Variants in NRXN3 observed in about 807,000 individuals in gnomAD.
NRXN3 encodes neurexin 3.
A neutral mutation model predicts 137.6 loss-of-function variants in NRXN3; 32 were observed. That is an observed-to-expected ratio of 0.23 (90% confidence interval 0.18 to 0.31). NRXN3 has a LOEUF of 0.31. Among genes scored for constraint, NRXN3 ranks in the 10% least tolerant of loss-of-function variants. The pLI, the probability that NRXN3 is intolerant of heterozygous loss-of-function variation, is 1.00. For missense variants in NRXN3, 1,574 were observed against 2,062.5 expected (o/e 0.76, Z 4.59); for synonymous variants, 798 against 784.5 (o/e 1.02, Z -0.29).
At chr14:78,801,942 G>A (rs1337231712) in intron 8 of NRXN3, among the ~76,000 whole-genome samples, 1 of 152,104 alleles carries the variant, frequency 6.6e-6, no homozygotes, top group Non-Finnish European at 1.5e-5. Context: ...ACAGTTACTT[G>A]TGCATTCTGT....
intron 15 of NRXN3, among the ~76,000 whole-genome samples, chr14:79,463,732 A>G (rs576598635): frequency 6.6e-6 from 1 of 152,134 alleles, no homozygotes; most frequent in African/African-American, 2.4e-5. Flanking sequence ...CTGAATATAA[A>G]CATAAGTAGT....
chr14:79,808,591 A>G (rs546170308), intron 20 of NRXN3, among the ~76,000 whole-genome samples: 1 of 152,154 alleles, frequency 6.6e-6, no homozygotes, highest in Admixed American at 6.5e-5. Flanking sequence ...TTGTTCTATC[A>G]TACTTACTAC....
chr14:78,646,635 T>G (rs2097690733), intron 5 of NRXN3, among the ~76,000 whole-genome samples: 1 of 152,226 alleles, frequency 6.6e-6, no homozygotes, highest in Admixed American at 6.5e-5. Context: ...ATTTCCACAC[T>G]TAGGTATGTC....
chr14:78,232,318 A>G (rs2065537369), intron 1 of NRXN3, among the ~76,000 whole-genome samples: 2 of 152,326 alleles, frequency 1.3e-5, no homozygotes, highest in Middle Eastern at 3.4e-3. Flanking sequence ...AATAATTAGC[A>G]CAGTGGGGGC....
At chr14:78,214,254 G>A (rs2063035627) in intron 1 of NRXN3, among the ~76,000 whole-genome samples, 1 of 152,130 alleles carries the variant, frequency 6.6e-6, no homozygotes, top group Non-Finnish European at 1.5e-5. Flanking sequence ...CTTTGTCCAT[G>A]ATGTTTCCTC....
intron 19 of NRXN3, among the ~76,000 whole-genome samples, chr14:79,802,131 T>C (rs929803372): frequency 1.3e-5 from 2 of 152,208 alleles, no homozygotes; most frequent in African/African-American, 4.8e-5. Flanking sequence ...TAATATTATG[T>C]TAATGTATGT....
chr14:78,672,260 A>G (rs1295077691), intron 6 of NRXN3, among the ~76,000 whole-genome samples: 1 of 152,220 alleles, frequency 6.6e-6, no homozygotes, highest in African/African-American at 2.4e-5. Context: ...ACAGAACTCA[A>G]CCAAATTACT....
At chr14:78,239,212 C>T (rs2066753352) in intron 1 of NRXN3, among the ~76,000 whole-genome samples, 1 of 152,236 alleles carries the variant, frequency 6.6e-6, no homozygotes, top group South Asian at 2.1e-4. Context: ...TTGAAGCAGT[C>T]ATTGCCTCCA....
rs536574586 is a variant in NRXN3, at chr14:79,612,190, G to C, written c.3445-51588G>C. ...TGTTTTCCCCTTCTTTGCACACTTTGTTTATATTTCACCCTATTACTATTA... is the reference window on the plus strand; with the variant it reads ...TGTTTTCCCCTTCTTTGCACACTTTCTTTATATTTCACCCTATTACTATTA... On this transcript the variant is annotated intron_variant, in intron 16 of 20. Coordinates refer to ENST00000335750, the MANE Select transcript of NRXN3 (RefSeq NM_001330195.2). Among the ~76,000 whole-genome samples, 146 of 152,206 alleles carry C rather than the reference G, an allele frequency of 9.6e-4. 2 individuals carry two copies. Among genetic ancestry groups the C allele is most frequent in the Non-Finnish European group, 1.6e-3 (108 of 68,004 alleles).
intron 15 of NRXN3, among the ~76,000 whole-genome samples, chr14:79,350,582 T>G (rs1448173542): frequency 6.6e-6 from 1 of 152,216 alleles, no homozygotes; most frequent in African/African-American, 2.4e-5. Context: ...CAAATCAGCC[T>G]TTGGCACACA....
At chr14:79,030,887 G>A (rs755264888) in intron 15 of NRXN3, among the ~76,000 whole-genome samples, 45 of 151,164 alleles carry the variant, frequency 3.0e-4, no homozygotes, top group Admixed American at 2.0e-3. Context: ...GTCTTTTTTC[G>A]TGTGGCAGCT....
chr14:78,952,494 T>A (rs930644306), intron 10 of NRXN3, among the ~76,000 whole-genome samples: 2 of 152,134 alleles, frequency 1.3e-5, no homozygotes, highest in African/African-American at 4.8e-5. Flanking sequence ...CCTAATACAA[T>A]GTGTGATGCT....
chr14:78,369,024 A>G (rs1354240560), intron 4 of NRXN3, among the ~76,000 whole-genome samples: 1 of 152,196 alleles, frequency 6.6e-6, no homozygotes, highest in African/African-American at 2.4e-5. Flanking sequence ...TGAACTAGGA[A>G]TCAGAGAATC....
At chr14:78,339,030 T>C (rs1360744116) in intron 4 of NRXN3, among the ~76,000 whole-genome samples, 3 of 152,234 alleles carry the variant, frequency 2.0e-5, no homozygotes, top group South Asian at 2.1e-4. Context: ...TATGGCCTCA[T>C]TGGGTCTGCA....
chr14:79,247,654 GTTGTCTTA>G (rs2075371271), intron 15 of NRXN3, among the ~76,000 whole-genome samples: 1 of 152,030 alleles, frequency 6.6e-6, no homozygotes, highest in African/African-American at 2.4e-5. Context: ...AAGCTAGGTA[GTTGTCTTA>G]TTCTCTTTTA....
intron 15 of NRXN3, among the ~76,000 whole-genome samples, chr14:79,166,406 G>A (rs1009894304): frequency 6.6e-6 from 1 of 151,486 alleles, no homozygotes; most frequent in African/African-American, 2.4e-5. Flanking sequence ...AGATTCCATT[G>A]TGAGTCACAC....
At chr14:79,474,708 C>T (rs2096544310) in intron 16 of NRXN3, among the ~76,000 whole-genome samples, 1 of 152,070 alleles carries the variant, frequency 6.6e-6, no homozygotes, top group Non-Finnish European at 1.5e-5. Context: ...GCTCTAGACT[C>T]AGCAGTGAAA....
chr14:78,949,789 C>T (rs2099383710), intron 10 of NRXN3, among the ~76,000 whole-genome samples: 1 of 152,160 alleles, frequency 6.6e-6, no homozygotes, highest in South Asian at 2.1e-4. Context: ...TTCCTTGATT[C>T]CTATTTAAAG....
intron 4 of NRXN3, among the ~76,000 whole-genome samples, chr14:78,490,122 C>T (rs1245705220): frequency 6.6e-6 from 1 of 152,000 alleles, no homozygotes; most frequent in African/African-American, 2.4e-5. Flanking sequence ...ACCAAGTTGG[C>T]CAGAATGGTC....
Sources: gnomAD v4.1 joint callset for allele counts (sites outside exome capture counted in the v4.1 genomes callset) on GRCh38, gnomAD v4.1.1 for gene constraint, MANE v1.5 for transcripts, NCBI Gene and HGNC (gene_info 2026-07-23, HGNC 2026-07-21) for gene names.